OR51B5: variants seen among roughly 807,000 people sequenced by gnomAD.
The protein encoded by OR51B5 is olfactory receptor family 51 subfamily B member 5.
For synonymous variants in OR51B5, 186 were observed against 144.8 expected, an observed-to-expected ratio of 1.28 and a Z score of -2.04; for missense variants, 456 against 374.6, an observed-to-expected ratio of 1.22 and a Z score of -1.79.
intron 1 of OR51B5, among the ~76,000 whole-genome samples, chr11:5,375,130 C>G (rs184073298): frequency 7.1e-6 from 1 of 139,894 alleles, no homozygotes; most frequent in African/African-American, 2.6e-5. Flanking sequence ...CTAACAGCAG[C>G]TCTCTTGGCA....
At chr11:5,429,567 A>G (rs1850504700) in intron 1 of OR51B5, among the ~76,000 whole-genome samples, 3 of 152,086 alleles carry the variant, frequency 2.0e-5, no homozygotes, top group Non-Finnish European at 4.4e-5. Flanking sequence ...TGTTTAGGAG[A>G]TGAGAAGATG....
intron 1 of OR51B5, among the ~76,000 whole-genome samples, chr11:5,385,713 T>A (rs11604622): frequency 1.5e-5 from 2 of 131,680 alleles, no homozygotes; most frequent in East Asian, 2.1e-4. Context: ...ACAAAGTATA[T>A]ATATGTGTAC....
At position 5,485,835 on chromosome 11, in the gene OR51B5, C is replaced by G. The variant is rs115080530; in HGVS notation, n.84+19734G>C. On this transcript the variant is annotated intron_variant and non_coding_transcript_variant, in intron 1 of 4. Transcript: ENST00000415970. ...TGAATTGTGTTGGTCTCCACACCCC[C>G]AAATTCATATGTCAAGGTCTTAATT... is the stretch of plus-strand genomic sequence containing the variant. Among the ~76,000 whole-genome samples the G allele has an allele frequency of 7.9e-3, 1,205 of 152,218 alleles. 14 individuals carry two copies. Among genetic ancestry groups the G allele is most frequent in the African/African-American group, 0.026 (1,076 of 41,532 alleles).
At chr11:5,390,120 C>A (rs780085206) in intron 1 of OR51B5, 5 of 1,613,806 alleles carry the variant, frequency 3.1e-6, no homozygotes, top group Non-Finnish European at 4.2e-6. Flanking sequence ...GCAGGCCTGG[C>A]CTCCCAAGAG....
chr11:5,348,237 G>A (rs1329919337), upstream of OR51B5, among the ~76,000 whole-genome samples: 1 of 151,964 alleles, frequency 6.6e-6, no homozygotes, highest in Non-Finnish European at 1.5e-5. Flanking sequence ...AACACATAAG[G>A]CAAACAATTC....
At chr11:5,410,976 T>C (rs904755090) in intron 1 of OR51B5, among the ~76,000 whole-genome samples, 3 of 152,158 alleles carry the variant, frequency 2.0e-5, no homozygotes, top group East Asian at 1.9e-4. Context: ...AGTTAAAGTA[T>C]ATAAAGTAGA....
At chr11:5,340,598 A>G (rs1848879032), downstream of OR51B5, 2 of 152,180 alleles carry the variant, frequency 1.3e-5, no homozygotes, top group South Asian at 4.1e-4. Context: ...TTTGGAGTAG[A>G]AGGAGGAGAA....
At chr11:5,426,017 A>G (rs1013572306) in intron 1 of OR51B5, among the ~76,000 whole-genome samples, 1 of 152,238 alleles carries the variant, frequency 6.6e-6, no homozygotes, top group Non-Finnish European at 1.5e-5. Context: ...ACACAATGCA[A>G]TATTATTTGG....
In OR51B5 at chr11:5,422,699, C is replaced by T. The variant is rs200167706; in HGVS notation, n.85-75789G>A. Reference sequence around the variant, plus strand: ...TCTTCCCTCCCTTTTCTTACTCAAGCGACTGCCTTTCTGCCACTCCCACCT... The same window carrying T: ...TCTTCCCTCCCTTTTCTTACTCAAGTGACTGCCTTTCTGCCACTCCCACCT... On this transcript the variant is annotated intron_variant and non_coding_transcript_variant, in intron 1 of 4. Coordinates refer to the OR51B5 transcript ENST00000415970. 163 of 1,613,914 alleles carry T rather than the reference C, an allele frequency of 1.0e-4. No individual in the cohort carries two copies. The East Asian group carries it at 1.5e-3, about 15-fold the overall frequency.
At chr11:5,352,182 C>T (rs1437206261) in intron 1 of OR51B5, 5 of 1,614,164 alleles carry the variant, frequency 3.1e-6, no homozygotes, top group Non-Finnish European at 4.2e-6. Flanking sequence ...CTGTCATGGG[C>T]ATTGGTTCTG....
intron 1 of OR51B5, among the ~76,000 whole-genome samples, chr11:5,435,631 T>C (rs1286561483): frequency 6.6e-6 from 1 of 152,206 alleles, no homozygotes; most frequent in Non-Finnish European, 1.5e-5. Context: ...CATGGTGATA[T>C]CCTGTAATCT....
rs1024309776 is a variant in OR51B5, at chr11:5,415,644, G to A, written n.85-68734C>T. ...AAACCACCATCAGAGAATACTACAA[G>A]CACCTCTATGCAAATAAACTAGAAA... On this transcript the variant is annotated intron_variant and non_coding_transcript_variant, in intron 1 of 4. Transcript: ENST00000415970. Among the ~76,000 whole-genome samples the A allele has an allele frequency of 4.0e-4, 61 of 152,156 alleles. 2 individuals carry two copies. Among genetic ancestry groups the A allele is most frequent in the Non-Finnish European group, 5.9e-4 (40 of 68,000 alleles).
intron 1 of OR51B5, among the ~76,000 whole-genome samples, chr11:5,476,741 C>G (rs1851311714): frequency 1.3e-5 from 2 of 152,156 alleles, no homozygotes; most frequent in Admixed American, 1.3e-4. Context: ...TTGTGTTATC[C>G]TAGACAAGTT....
intron 1 of OR51B5, among the ~76,000 whole-genome samples, chr11:5,414,608 A>AC (rs1041031332): frequency 4.9e-4 from 63 of 129,204 alleles, no homozygotes; most frequent in Non-Finnish European, 8.4e-4. Context: ...CAAATGGAAA[A>AC]CAAAAAAAGG....
intron 1 of OR51B5, among the ~76,000 whole-genome samples, chr11:5,408,524 C>T (rs1454282889): frequency 6.6e-6 from 1 of 152,102 alleles, no homozygotes; most frequent in African/African-American, 2.4e-5. Context: ...CAAGAGAAGT[C>T]ATTCATGACA....
chr11:5,410,718 C>T (rs1850135687), intron 1 of OR51B5, among the ~76,000 whole-genome samples: 1 of 152,062 alleles, frequency 6.6e-6, no homozygotes, highest in South Asian at 2.1e-4. Flanking sequence ...TGTTATTGTC[C>T]AAAAGATCCT....
Position 5,356,826 on chromosome 11 carries a change from A to G in OR51B5, n.85-9916T>C, listed in dbSNP as rs545485542. Among the ~76,000 whole-genome samples the G allele has an allele frequency of 1.7e-3, 216 of 125,834 alleles. 37 individuals are homozygous for G. Among genetic ancestry groups the G allele is most frequent in the Middle Eastern group, 7.8e-3 (2 of 258 alleles). 82.6% of individuals were successfully genotyped at this position (125,834 alleles called of 152,430 possible). A position where few individuals can be genotyped will look rare whatever the true frequency, so the allele number is the denominator to read the frequency against. ...AAGAGAGTGGGGGCCAATATTCAAC[A>G]TCCTTAAAGGAAAGAATTTTCAACA... On this transcript the variant is annotated intron_variant and non_coding_transcript_variant, in intron 1 of 4. Transcript: ENST00000415970.
chr11:5,459,748 G>T (rs1210811910), intron 1 of OR51B5, among the ~76,000 whole-genome samples: 1 of 152,206 alleles, frequency 6.6e-6, no homozygotes, highest in Admixed American at 6.5e-5. Flanking sequence ...TGGCGAGGTT[G>T]TGGAGAAAAG....
At chr11:5,411,064 T>G (rs10838051) in intron 1 of OR51B5, among the ~76,000 whole-genome samples, 57,886 of 152,092 alleles carry the variant, frequency 0.38, 12,730 homozygotes, top group Non-Finnish European at 0.5. Context: ...AGCCTAAATG[T>G]CCAGTGTTTA....
Sources: gnomAD v4.1 joint callset for allele counts (sites outside exome capture counted in the v4.1 genomes callset) on GRCh38, gnomAD v4.1.1 for gene constraint, MANE v1.5 for transcripts, NCBI Gene and HGNC (gene_info 2026-07-23, HGNC 2026-07-21) for gene names.